Variants in RPS7 observed in about 807,000 individuals in gnomAD.
RPS7 encodes the protein ribosomal protein S7.
RPS7 carries 1 observed loss-of-function variant against 22.1 expected under a neutral mutation model. That is an observed-to-expected ratio of 0.05 (90% CI 0.02 to 0.21). The LOEUF (loss-of-function observed/expected upper bound fraction) is 0.21. Among genes scored for constraint, RPS7 ranks in the 10% least tolerant of loss-of-function variants. The pLI is 1.00. For synonymous variants in RPS7, 80 were observed against 92.0 expected (o/e 0.87, Z 0.74); for missense variants, 137 against 246.4 (o/e 0.56, Z 2.97).
rs1341143088 is a variant in RPS7, at chr2:3,576,243, G to C, written c.148-244G>C. On this transcript the variant is annotated intron_variant, in intron 3 of 6. Coordinates refer to ENST00000645674, the MANE Select transcript of RPS7 (RefSeq NM_001011.4). Reference sequence around the variant, plus strand: ...CTTAGCCCGGAGTTGCCGCAAGTGGGGGTGCAGAAGTGGTAGTGATTGGCC... The same window carrying C: ...CTTAGCCCGGAGTTGCCGCAAGTGGCGGTGCAGAAGTGGTAGTGATTGGCC... 11 of 601,704 alleles carry C rather than the reference G, an allele frequency of 1.8e-5. No homozygotes were observed. In the East Asian group the frequency reaches 3.1e-4, roughly 17 times the overall value. The allele number at this position is 601,704 out of a possible 1,614,324, so 37.3% of individuals were successfully genotyped here.
chr2:3,580,324 C>A, intron 6 of RPS7, 64 bp downstream of exon 6: 1 of 1,430,744 alleles, frequency 7.0e-7, no homozygotes, highest in Non-Finnish European at 9.9e-7. Context: ...TTAGTGTAAC[C>A]AGTCTCCATG....
In RPS7 at chr2:3,580,103, C is replaced by CT. The variant is rs140914434; in HGVS notation, c.357-3dup. On this transcript the variant is annotated splice_region_variant and splice_polypyrimidine_tract_variant and intron_variant, in intron 5 of 6. Coordinates refer to ENST00000645674, the MANE Select transcript of RPS7 (RefSeq NM_001011.4). ...TAGGTTGCTTACCTTTTAAACTATT[C>CT]TTTTAGCCGTACTCTGACAGCTGTG... 6.9e-4 allele frequency: 1,121 copies of CT among 1,613,734 alleles called. 8 individuals carry two copies. In the African/African-American group the frequency reaches 0.013, roughly 19 times the overall value.
Position 3,577,781 on chromosome 2 carries a change from ATT to A in RPS7, c.356+10_356+11del. ...AGCAAAAGCGTCCCAGGAGGTGAGT[ATT>A]TTAGTAGTTTCAGAAATGTGTGTAC... On this transcript the variant is annotated splice_region_variant and intron_variant, in intron 5 of 6. Coordinates refer to ENST00000645674, the MANE Select transcript of RPS7 (RefSeq NM_001011.4). 1 of 1,596,754 alleles carries A rather than the reference ATT, an allele frequency of 6.3e-7. No individual in the cohort carries two copies. The highest frequency in any genetic ancestry group is 1.1e-5 in the South Asian group (1 of 90,582).
chr2:3,576,252 AGTG>A, intron 3 of RPS7: 1 of 610,074 alleles, frequency 1.6e-6, no homozygotes, highest in Admixed American at 2.8e-5. Context: ...GGGGTGCAGA[AGTG>A]GTAGTGATTG....
intron 4 of RPS7, chr2:3,577,483 C>T (rs1016292306): frequency 7.1e-6 from 4 of 565,808 alleles, no homozygotes; most frequent in Non-Finnish European, 9.4e-6. Context: ...ATTTTGTCCA[C>T]TGGCGTATTA....
chr2:3,577,578 A>T (rs1242604721), intron 4 of RPS7, 132 bp from the exon 5 acceptor site: 7 of 695,488 alleles, frequency 1.0e-5, no homozygotes, highest in Non-Finnish European at 1.8e-5. Flanking sequence ...TGTTCGTCTA[A>T]GTTGTTTAGC....
rs1229376383 is a variant in RPS7, at chr2:3,576,473, G to T, written c.148-14G>T. 3 of 1,612,420 alleles carry T rather than the reference G, an allele frequency of 1.9e-6. No individual in the cohort carries two copies. Among genetic ancestry groups the T allele is most frequent in the African/African-American group, 2.7e-5 (2 of 74,846 alleles). ...GAAGCAGTTAACACAGTGGATTTTT[G>T]TTTTTTTCTTTAGGAAATTGAAGTT... On this transcript the variant is annotated splice_polypyrimidine_tract_variant and intron_variant, in intron 3 of 6. Coordinates refer to ENST00000645674, the MANE Select transcript of RPS7 (RefSeq NM_001011.4).
intron 5 of RPS7, 54 bp downstream of exon 5, chr2:3,577,828 T>A: frequency 8.5e-7 from 1 of 1,176,480 alleles, no homozygotes; most frequent in Non-Finnish European, 1.3e-6. Context: ...TAACAACTCT[T>A]AATTTGTTTA....
intron 5 of RPS7, 74 bp downstream of exon 5, chr2:3,577,848 T>G: frequency 9.5e-7 from 1 of 1,050,954 alleles, no homozygotes; most frequent in Non-Finnish European, 1.5e-6. Flanking sequence ...AAGTTGTAGT[T>G]TATGAAAACA....
chr2:3,579,986 G>C, intron 5 of RPS7, 124 bp from the exon 6 acceptor site: 1 of 876,204 alleles, frequency 1.1e-6, no homozygotes, highest in Non-Finnish European at 1.9e-6. Context: ...ATTTGAAAAT[G>C]AGTGTTAATT....
chr2:3,577,674 T>C, intron 4 of RPS7, 36 bp from the exon 5 acceptor site: 1 of 1,502,992 alleles, frequency 6.7e-7, no homozygotes, highest in South Asian at 1.1e-5. Flanking sequence ...TTAAAGTCTT[T>C]TTTCATTTTG....
In RPS7 at chr2:3,575,804, C is replaced by T. The variant is rs760614415; in HGVS notation, c.76-13C>T. On this transcript the variant is annotated splice_polypyrimidine_tract_variant and intron_variant, in intron 2 of 6. Coordinates refer to ENST00000645674, the MANE Select transcript of RPS7 (RefSeq NM_001011.4). ...CGCGCTCAGGGTCGGTCCTGCTGTT[C>T]GTTGCTTCTTAGGCTCTTCTGGAGC... 7 of 1,611,308 alleles carry T rather than the reference C, an allele frequency of 4.3e-6. No homozygotes were observed. The African/African-American group carries it at 5.3e-5, about 12-fold the overall frequency.
intron 4 of RPS7, 110 bp downstream of exon 4, chr2:3,576,740 C>A: frequency 7.8e-7 from 1 of 1,286,042 alleles, no homozygotes; most frequent in Non-Finnish European, 1.1e-6. Flanking sequence ...TTTATGAATC[C>A]AATTGGGTAG....
At position 3,580,627 on chromosome 2, in the gene RPS7, T is replaced by G; in HGVS notation, c.508-178T>G. 3 of 653,576 alleles carry G rather than the reference T, an allele frequency of 4.6e-6. No individual in the cohort carries two copies. The Admixed American group carries it at 6.9e-5, about 15-fold the overall frequency. The allele number at this position is 653,576 out of a possible 1,614,324, so 40.5% of individuals were successfully genotyped here. ...CTTCCCCGGTGCAGTGGTGTACAGT[T>G]CTGTCCCACAGCATTGGAGAAGAGC... is the stretch of plus-strand genomic sequence containing the variant. On this transcript the variant is annotated intron_variant, in intron 6 of 6. Coordinates refer to ENST00000645674, the MANE Select transcript of RPS7 (RefSeq NM_001011.4).
rs775295006 is a variant in RPS7 at position 3,576,596 on chromosome 2, A to G, written c.257A>G (p.Lys86Arg). 1.9e-6 allele frequency: 3 copies of G among 1,614,054 alleles called. No homozygotes were observed. The African/African-American group carries it at 4.0e-5, about 22-fold the overall frequency. ...QVRLVRELEK[K>R]FSGKHVVFIA... Reference sequence around the variant, plus strand: ...CGGCTAGTACGCGAATTGGAGAAAAAGTTCAGTGGGAAGCATGTCGTCTTT... The same window carrying G: ...CGGCTAGTACGCGAATTGGAGAAAAGGTTCAGTGGGAAGCATGTCGTCTTT... Residue 86 changes from lysine to arginine, a missense_variant, in exon 4 of 7, where the codon AAG becomes AGG. By Grantham distance (26) the Lys-to-Arg change is conservative. Around this residue, in one of 2 missense-constraint regions of RPS7, gnomAD observed 74 missense variants for 171.4 expected, o/e 0.43. Coordinates refer to ENST00000645674, the MANE Select transcript of RPS7 (RefSeq NM_001011.4).
At chr2:3,580,417 C>G (rs750164870) in intron 6 of RPS7, 157 bp downstream of exon 6, 6 of 737,334 alleles carry the variant, frequency 8.1e-6, no homozygotes, top group Non-Finnish European at 1.5e-5. Flanking sequence ...GATTATGTGT[C>G]AGGTGTTAAA....
intron 4 of RPS7, 174 bp downstream of exon 4, chr2:3,576,804 G>A: frequency 1.2e-6 from 1 of 811,336 alleles, no homozygotes. Context: ...CCCAGCACGG[G>A]GAGGTGGAGG....
intron 3 of RPS7, 198 bp from the exon 4 acceptor site, chr2:3,576,289 C>T (rs545270460): frequency 1.5e-5 from 10 of 660,596 alleles, no homozygotes; most frequent in Non-Finnish European, 2.4e-5. Context: ...AACAGTCTCC[C>T]TTCCTGGAAT....
rs147128426 is a variant in RPS7, at chr2:3,577,315, G to A, written c.292-395G>A. 634 of 192,098 alleles carry A rather than the reference G, an allele frequency of 3.3e-3. 5 individuals are homozygous for A. Among genetic ancestry groups the A allele is most frequent in the African/African-American group, 0.014 (583 of 42,180 alleles). The allele number at this position is 192,098 out of a possible 1,614,324, so 11.9% of individuals were successfully genotyped here. On this transcript the variant is annotated intron_variant, in intron 4 of 6. Coordinates refer to ENST00000645674, the MANE Select transcript of RPS7 (RefSeq NM_001011.4). ...CCCGCCACTGAACTTCAGCCTGGGCGACAGAGCGAGACTCCATCTCAAAAA... is the reference window on the plus strand; with the variant it reads ...CCCGCCACTGAACTTCAGCCTGGGCAACAGAGCGAGACTCCATCTCAAAAA...
Sources: allele counts gnomAD v4.1 joint callset, GRCh38; gene constraint gnomAD v4.1.1; regional missense constraint gnomAD v4.1.1; transcripts MANE v1.5; gene names NCBI Gene and HGNC (gene_info 2026-07-23, HGNC 2026-07-21).